The following NAALADL2 variants were observed in gnomAD, a reference collection of about 807,000 sequenced individuals.
NAALADL2 encodes N-acetylated alpha-linked acidic dipeptidase like 2.
Under a neutral mutation model 87.2 loss-of-function variants are expected in NAALADL2, and 76 were observed. The observed-to-expected ratio is 0.87, with a 90% confidence interval of 0.72 to 1.05. NAALADL2 has a LOEUF of 1.05. Ranked by LOEUF, NAALADL2 falls within the 50% of genes least tolerant of loss-of-function variation. The pLI is 0.00. For missense variants in NAALADL2, 1,089 were observed against 945.8 expected (o/e 1.15, Z -1.99); for synonymous variants, 354 against 331.0 (o/e 1.07, Z -0.75).
At chr3:175,416,460 A>G (rs888720188) in intron 5 of NAALADL2, among the ~76,000 whole-genome samples, 3 of 152,164 alleles carry the variant, frequency 2.0e-5, no homozygotes, top group Non-Finnish European at 4.4e-5. Context: ...ATTAAAATTT[A>G]TGTGAAACAG....
rs142863917 is a variant in NAALADL2, at chr3:175,102,907, A to G, written c.545+5616A>G. ...GGCAGATCACGAGGTCAAGAGATTG[A>G]GACCATCCTGGCCAACATGGTGAAA... is the stretch of plus-strand genomic sequence containing the variant. On this transcript the variant is annotated intron_variant, in intron 2 of 13. Coordinates refer to ENST00000454872, the MANE Select transcript of NAALADL2 (RefSeq NM_207015.3). Among the ~76,000 whole-genome samples the G allele has an allele frequency of 8.2e-3, 1,245 of 152,206 alleles. 13 individuals carry two copies. Among genetic ancestry groups the G allele is most frequent in the African/African-American group, 0.029 (1,186 of 41,538 alleles).
chr3:175,245,184 A>G (rs1443986992), intron 3 of NAALADL2, among the ~76,000 whole-genome samples: 1 of 152,160 alleles, frequency 6.6e-6, no homozygotes, highest in African/African-American at 2.4e-5. Context: ...AGCTAAAGGA[A>G]AGATGCTATG....
At chr3:175,677,542 G>C (rs1734986077) in intron 11 of NAALADL2, among the ~76,000 whole-genome samples, 1 of 149,168 alleles carries the variant, frequency 6.7e-6, no homozygotes, top group Non-Finnish European at 1.5e-5. Flanking sequence ...GGGTCACATA[G>C]ATAGAAATAT....
chr3:175,156,618 A>G (rs572239084), intron 2 of NAALADL2, among the ~76,000 whole-genome samples: 7 of 152,256 alleles, frequency 4.6e-5, no homozygotes, highest in African/African-American at 1.7e-4. Flanking sequence ...CTGATTAAAT[A>G]TTATTCTTTA....
intron 2 of NAALADL2, among the ~76,000 whole-genome samples, chr3:175,127,350 C>T (rs75192192): frequency 0.016 from 2,437 of 152,128 alleles, 80 homozygotes; most frequent in African/African-American, 0.056. Context: ...GGTATCCCTG[C>T]GGTAATTTCC....
intron 5 of NAALADL2, among the ~76,000 whole-genome samples, chr3:175,378,665 T>G (rs1767440346): frequency 6.6e-6 from 1 of 152,196 alleles, no homozygotes; most frequent in Non-Finnish European, 1.5e-5. Context: ...TTTCAAACTC[T>G]GATATTGTCT....
chr3:174,658,366 CATATG>C (rs1167042245), intron 2 of NAALADL2, among the ~76,000 whole-genome samples: 2 of 152,130 alleles, frequency 1.3e-5, no homozygotes, highest in Non-Finnish European at 2.9e-5. Flanking sequence ...TCCCTGATGA[CATATG>C]ATGTGGAGCA....
chr3:175,246,954 A>G (rs1262025999), intron 3 of NAALADL2, among the ~76,000 whole-genome samples: 1 of 152,192 alleles, frequency 6.6e-6, no homozygotes, highest in Non-Finnish European at 1.5e-5. Flanking sequence ...TTGTGGTCTC[A>G]AGAGTCACAG....
chr3:175,628,393 G>A (rs1410227884), intron 11 of NAALADL2, among the ~76,000 whole-genome samples: 2 of 151,446 alleles, frequency 1.3e-5, no homozygotes, highest in Non-Finnish European at 3.0e-5. Flanking sequence ...CCCATCATAA[G>A]TTGTGAAATG....
chr3:174,739,379 G>A (rs766729596), intron 3 of NAALADL2, among the ~76,000 whole-genome samples: 3 of 151,968 alleles, frequency 2.0e-5, no homozygotes, highest in Non-Finnish European at 2.9e-5. Context: ...CAAGAAAATC[G>A]GATGAAGATT....
At chr3:174,931,955 A>T (rs1238736421) in intron 1 of NAALADL2, among the ~76,000 whole-genome samples, 1 of 152,208 alleles carries the variant, frequency 6.6e-6, no homozygotes, top group African/African-American at 2.4e-5. Context: ...GAAATGATTG[A>T]GTAGATTCAA....
intron 2 of NAALADL2, among the ~76,000 whole-genome samples, chr3:174,699,837 C>CT (rs35197419): frequency 0.48 from 60,038 of 124,840 alleles, 14,122 homozygotes; most frequent in East Asian, 0.71. Context: ...TTTTAAGATG[C>CT]TTTTTTTTTT....
At chr3:175,120,492 G>A (rs1725991314) in intron 2 of NAALADL2, among the ~76,000 whole-genome samples, 1 of 151,746 alleles carries the variant, frequency 6.6e-6, no homozygotes, top group Admixed American at 6.6e-5. Flanking sequence ...CCACTAAACT[G>A]GTGTTCATGC....
intron 9 of NAALADL2, among the ~76,000 whole-genome samples, chr3:175,504,675 A>G (rs187976649): frequency 2.9e-4 from 44 of 151,612 alleles, no homozygotes; most frequent in Middle Eastern, 3.4e-3. Context: ...CTTCACCAGA[A>G]CCCAACCAAT....
chr3:174,838,025 A>G (rs938548429), intron 3 of NAALADL2, among the ~76,000 whole-genome samples: 1 of 139,156 alleles, frequency 7.2e-6, no homozygotes, highest in Non-Finnish European at 1.6e-5. Context: ...AAAAAAGAAA[A>G]AAAAAAAAAA....
chr3:175,778,513 T>G (rs1247186167), intron 13 of NAALADL2, among the ~76,000 whole-genome samples: 1 of 152,192 alleles, frequency 6.6e-6, no homozygotes, highest in Non-Finnish European at 1.5e-5. Context: ...TCTGTGTTAC[T>G]AAGGACAAAG....
At chr3:175,295,537 G>C (rs1252323450) in intron 4 of NAALADL2, among the ~76,000 whole-genome samples, 2 of 152,054 alleles carry the variant, frequency 1.3e-5, no homozygotes, top group Non-Finnish European at 2.9e-5. Context: ...AACTTTTACT[G>C]CATGTCTTTA....
intron 2 of NAALADL2, among the ~76,000 whole-genome samples, chr3:174,605,019 C>G (rs1718855177): frequency 6.6e-6 from 1 of 152,162 alleles, no homozygotes; most frequent in Non-Finnish European, 1.5e-5. Flanking sequence ...TCCCAAAGTA[C>G]TGGGATTACA....
chr3:174,626,088 ATTTTT>A (rs34520470), intron 2 of NAALADL2, among the ~76,000 whole-genome samples: 1 of 138,850 alleles, frequency 7.2e-6, no homozygotes, highest in Non-Finnish European at 1.6e-5. Context: ...ATAACTATAG[ATTTTT>A]TTTTTTTTTT....
Sources: allele counts gnomAD v4.1 joint callset (sites outside exome capture counted in the v4.1 genomes callset), GRCh38; gene constraint gnomAD v4.1.1; transcripts MANE v1.5; gene names NCBI Gene and HGNC (gene_info 2026-07-23, HGNC 2026-07-21).